The following SLC24A2 variants were observed in gnomAD, a reference collection of about 807,000 sequenced individuals.
The protein encoded by SLC24A2 is solute carrier family 24 member 2, also known as sodium/potassium/calcium exchanger 2.
SLC24A2 carries 36 observed loss-of-function variants against 62.0 expected under a neutral mutation model. The ratio of observed to expected loss-of-function variants is 0.58; its 90% CI spans 0.44 to 0.77. The LOEUF is 0.77. Among genes scored for constraint, SLC24A2 ranks in the 30% least tolerant of loss-of-function variants. The probability of loss-of-function intolerance (pLI) is 0.00; values close to 1 mark genes in which losing one functional copy is unlikely to be tolerated. For missense variants in SLC24A2, 846 were observed against 817.9 expected, an observed-to-expected ratio of 1.03 and a Z score of -0.42; for synonymous variants, 358 against 294.0, an observed-to-expected ratio of 1.22 and a Z score of -2.23.
At chr9:20,239,499 A>G in the SLC24A2 span, among the ~76,000 whole-genome samples, 1 of 128,234 alleles carries the variant, frequency 7.8e-6, no homozygotes, top group South Asian at 2.9e-4. Flanking sequence ...TTGGATAGGC[A>G]CAGCCCTTTG....
chr9:20,306,758 G>A, the SLC24A2 span, among the ~76,000 whole-genome samples: 1 of 152,132 alleles, frequency 6.6e-6, no homozygotes, highest in Non-Finnish European at 1.5e-5. Context: ...GTGCAGTGGC[G>A]TGATCTTGGT....
Position 19,515,529 on chromosome 9 carries a change from G to C in SLC24A2, c.*624C>G, listed in dbSNP as rs528500481. On this transcript the variant is annotated 3_prime_UTR_variant, in exon 11 of 11. Coordinates refer to ENST00000341998, the MANE Select transcript of SLC24A2 (RefSeq NM_020344.4). ...CACAGCAAGTCCAAGGTAGGCTGAA[G>C]GTCACAGCAATGCTACCTTTGTCTT... The C allele has an allele frequency of 6.6e-6, 1 of 152,286 alleles. No individual in the cohort carries two copies. The highest frequency in any genetic ancestry group is 1.9e-4 in the East Asian group (1 of 5,176). The allele number at this position is 152,286 out of a possible 1,614,324, so 9.4% of individuals were successfully genotyped here.
chr9:20,246,501 C>T, the SLC24A2 span, among the ~76,000 whole-genome samples: 9 of 152,336 alleles, frequency 5.9e-5, 1 homozygote, highest in South Asian at 1.4e-3. Context: ...TTTAATTTTA[C>T]GAACCACTCA....
rs34209353 is a variant in SLC24A2, at chr9:19,570,767, C to G, written c.1347+2584G>C. Among the ~76,000 whole-genome samples, 754 of 152,314 alleles carry G rather than the reference C, an allele frequency of 5.0e-3. 6 individuals carry two copies. The highest frequency in any genetic ancestry group is 6.8e-3 in the Non-Finnish European group (463 of 68,032). Reference sequence around the variant, plus strand: ...CACAGATGAGGCAACTAAATTAAAGCTCAGGGAAGCTAGGTAACTTGACCC... The same window carrying G: ...CACAGATGAGGCAACTAAATTAAAGGTCAGGGAAGCTAGGTAACTTGACCC... On this transcript the variant is annotated intron_variant, in intron 7 of 10. Coordinates refer to ENST00000341998, the MANE Select transcript of SLC24A2 (RefSeq NM_020344.4).
At chr9:20,071,428 T>C in the SLC24A2 span, among the ~76,000 whole-genome samples, 1 of 152,142 alleles carries the variant, frequency 6.6e-6, no homozygotes, top group Non-Finnish European at 1.5e-5. Flanking sequence ...AAAACAACAG[T>C]GCAATGGTGA....
chr9:19,882,586 T>C, the SLC24A2 span, among the ~76,000 whole-genome samples: 20 of 151,560 alleles, frequency 1.3e-4, no homozygotes, highest in Non-Finnish European at 2.6e-4. Context: ...TTTAGGCAAA[T>C]GTTCAGCGCT....
At chr9:20,132,308 T>C in the SLC24A2 span, among the ~76,000 whole-genome samples, 5 of 152,066 alleles carry the variant, frequency 3.3e-5, no homozygotes, top group Non-Finnish European at 5.9e-5. Flanking sequence ...CAAGAGTTGC[T>C]GATGTGCTAT....
chr9:19,895,611 C>T, the SLC24A2 span, among the ~76,000 whole-genome samples: 1 of 143,100 alleles, frequency 7.0e-6, no homozygotes, highest in Non-Finnish European at 1.5e-5. Context: ...ATATAAATAG[C>T]TTGGGTCAAA....
chr9:19,786,531 A>G lies in SLC24A2; in HGVS notation c.336T>C (p.Ser112=), dbSNP rs1823177715. The stretch of plus-strand genomic sequence containing the variant: ...GGTAGTCTCCTTGGGCGTGATCTGT[A>G]CTATTCTCAGACTCGCCTTCCTTAG... The part of the protein sequence containing the change: ...PLSKEGESEN[S]TDHAQGDYPK... Residue 112 remains serine, a synonymous_variant, in exon 2 of 11, where the codon AGT becomes AGC. Transcript: ENST00000341998. The surrounding 1 kb of genome is among the most constrained non-coding windows in gnomAD (Gnocchi z 5.0). 6.2e-7 allele frequency: 1 copy of G among 1,614,198 alleles called. No individual in the cohort carries two copies. Among genetic ancestry groups the G allele is most frequent in the African/African-American group, 1.3e-5 (1 of 75,038 alleles).
At chr9:20,099,365 T>C in the SLC24A2 span, among the ~76,000 whole-genome samples, 2 of 152,152 alleles carry the variant, frequency 1.3e-5, no homozygotes, top group Admixed American at 1.3e-4. Context: ...TTTATTTCCT[T>C]CTTCTTTAGG....
chr9:19,666,185 C>T (rs534797006), intron 2 of SLC24A2, among the ~76,000 whole-genome samples: 54 of 152,184 alleles, frequency 3.5e-4, no homozygotes, highest in African/African-American at 1.2e-3. Context: ...GCAAGAGGAT[C>T]GCTTGAGCCC....
chr9:20,051,662 T>C, the SLC24A2 span, among the ~76,000 whole-genome samples: 137 of 137,828 alleles, frequency 9.9e-4, no homozygotes, highest in East Asian at 0.015. Flanking sequence ...TTTCTCTTTT[T>C]TTTTTTTTTT....
the SLC24A2 span, among the ~76,000 whole-genome samples, chr9:20,185,167 A>G: frequency 6.6e-6 from 1 of 152,094 alleles, no homozygotes; most frequent in African/African-American, 2.4e-5. Context: ...CAAGAGATCT[A>G]TTATGCAACA....
chr9:20,294,966 TATAA>T, the SLC24A2 span, among the ~76,000 whole-genome samples: 2 of 151,594 alleles, frequency 1.3e-5, no homozygotes, highest in Admixed American at 6.6e-5. Flanking sequence ...TTAGATCAGG[TATAA>T]ATAAATAAAT....
chr9:19,524,091 A>T lies in SLC24A2; in HGVS notation c.1570-3031T>A, dbSNP rs75306027. Among the ~76,000 whole-genome samples the T allele has an allele frequency of 8.2e-3, 1,225 of 149,892 alleles. 5 individuals carry two copies. Among genetic ancestry groups the T allele is most frequent in the Non-Finnish European group, 0.011 (758 of 67,624 alleles). On this transcript the variant is annotated intron_variant, in intron 9 of 10. Transcript: ENST00000341998. ...AGCATCAGAGAGGCTTAGAGCTTTT[A>T]ATAGAAAGAACATCAGCAGTCTTTT...
the SLC24A2 span, among the ~76,000 whole-genome samples, chr9:20,115,928 G>A: frequency 2.6e-5 from 4 of 152,204 alleles, no homozygotes; most frequent in South Asian, 2.1e-4. Flanking sequence ...AAAATCCCAA[G>A]GCAAGAGATT....
chr9:20,266,488 C>A, the SLC24A2 span, among the ~76,000 whole-genome samples: 2 of 152,144 alleles, frequency 1.3e-5, no homozygotes, highest in Non-Finnish European at 2.9e-5. Flanking sequence ...AGTTCTTAGA[C>A]CACGAAAAGC....
the SLC24A2 span, among the ~76,000 whole-genome samples, chr9:19,874,075 C>CTTT: frequency 3.9e-4 from 42 of 107,264 alleles, no homozygotes; most frequent in East Asian, 1.3e-3. Flanking sequence ...CTTTTCTTTT[C>CTTT]TTTTTTTTTT....
chr9:19,606,402 C>T lies in SLC24A2; in HGVS notation c.1079-9123G>A, dbSNP rs562863356. On this transcript the variant is annotated intron_variant, in intron 4 of 10. Transcript: ENST00000341998. ...ATTGGTGTTTTGGGCTTAAGTGCTG[C>T]CATCTGGGAGGTCAAAGAGAAGTAG... is the stretch of plus-strand genomic sequence containing the variant. Among the ~76,000 whole-genome samples the T allele has an allele frequency of 2.0e-5, 3 of 152,290 alleles. No individual in the cohort carries two copies. The East Asian group carries it at 5.8e-4, about 29-fold the overall frequency.
Sources: allele counts gnomAD v4.1 joint callset (sites outside exome capture counted in the v4.1 genomes callset), GRCh38; gene constraint gnomAD v4.1.1; non-coding constraint Gnocchi (gnomAD v3.1); transcripts MANE v1.5; gene names NCBI Gene and HGNC (gene_info 2026-07-23, HGNC 2026-07-21).